CALN1: variants seen among roughly 807,000 people sequenced by gnomAD.
CALN1 encodes the protein calneuron 1.
Under a neutral mutation model 30.6 loss-of-function variants are expected in CALN1, and 17 were observed. The observed-to-expected ratio is 0.56, with a 90% CI of 0.38 to 0.83. The LOEUF (loss-of-function observed/expected upper bound fraction) is 0.83. Among genes scored for constraint, CALN1 ranks in the 40% least tolerant of loss-of-function variants. The pLI is 0.00. For missense variants in CALN1, 291 were observed against 354.9 expected (o/e 0.82, Z 1.45); for synonymous variants, 156 against 131.4 (o/e 1.19, Z -1.28).
chr7:72,373,080 A>C (rs1804341012), intron 2 of CALN1, among the ~76,000 whole-genome samples: 1 of 152,234 alleles, frequency 6.6e-6, no homozygotes, highest in Admixed American at 6.5e-5. Flanking sequence ...ACCATGTGGA[A>C]ATTTTAGAAC....
the CALN1 span, among the ~76,000 whole-genome samples, chr7:72,455,028 T>C: frequency 2.6e-5 from 4 of 152,056 alleles, no homozygotes; most frequent in African/African-American, 9.7e-5. Context: ...ACAGGGTTTC[T>C]CCGTGTTGGT....
intron 2 of CALN1, 76 bp downstream of exon 2, chr7:72,403,175 C>T (rs1179252970): frequency 5.1e-6 from 6 of 1,176,822 alleles, no homozygotes; most frequent in Admixed American, 2.2e-5. Flanking sequence ...GGCAAAGCCT[C>T]CTGGACCCCG....
At chr7:72,183,817 A>G (rs1789987484) in intron 3 of CALN1, among the ~76,000 whole-genome samples, 2 of 152,188 alleles carry the variant, frequency 1.3e-5, no homozygotes, top group South Asian at 4.1e-4. Context: ...CCAGTATGCC[A>G]GGATGCCGTC....
chr7:72,501,537 AAAGG>A, the CALN1 span, among the ~76,000 whole-genome samples: 47 of 142,268 alleles, frequency 3.3e-4, no homozygotes, highest in East Asian at 3.8e-3. Context: ...GAAGGAAAGG[AAAGG>A]AAGGAGGGAG....
chr7:72,092,932 G>A lies in CALN1; in HGVS notation c.388+13219C>T, dbSNP rs183239976. On this transcript the variant is annotated intron_variant, in intron 4 of 6. Transcript: ENST00000395275. ...AACTCTTGAGTGAGGATGTCACAGA[G>A]AAAAGACCCAACCAACTCGCGATGA... Among the ~76,000 whole-genome samples, 670 of 152,232 alleles carry A rather than the reference G, an allele frequency of 4.4e-3. 3 individuals carry two copies. The highest frequency in any genetic ancestry group is 0.016 in the African/African-American group (649 of 41,536).
At chr7:72,050,959 C>T (rs116075083) in intron 4 of CALN1, among the ~76,000 whole-genome samples, 1 of 151,444 alleles carries the variant, frequency 6.6e-6, no homozygotes, top group Non-Finnish European at 1.5e-5. Context: ...GCCACTACTG[C>T]ATTCCAGCCT....
intron 3 of CALN1, among the ~76,000 whole-genome samples, chr7:72,245,289 C>T (rs1795085664): frequency 6.6e-6 from 1 of 152,110 alleles, no homozygotes; most frequent in Non-Finnish European, 1.5e-5. Context: ...TCCTGCAACC[C>T]TACGTGCAGT....
chr7:72,245,213 C>T (rs1372661534), intron 3 of CALN1, among the ~76,000 whole-genome samples: 1 of 152,194 alleles, frequency 6.6e-6, no homozygotes, highest in East Asian at 1.9e-4. Flanking sequence ...GCAGCCCAGC[C>T]CCGCCCTGGT....
At chr7:72,168,610 G>A (rs934047378) in intron 3 of CALN1, among the ~76,000 whole-genome samples, 9 of 151,998 alleles carry the variant, frequency 5.9e-5, no homozygotes, top group Non-Finnish European at 7.4e-5. Context: ...TTTATAGACT[G>A]TAACTAAAAA....
At chr7:71,796,562 G>A (rs1352455101) in intron 6 of CALN1, among the ~76,000 whole-genome samples, 2 of 151,840 alleles carry the variant, frequency 1.3e-5, no homozygotes, top group African/African-American at 2.4e-5. Context: ...GTTCCACTAC[G>A]TTGGCCAGGC....
intron 5 of CALN1, among the ~76,000 whole-genome samples, chr7:72,013,592 T>C (rs1266048949): frequency 6.6e-6 from 1 of 152,108 alleles, no homozygotes; most frequent in Non-Finnish European, 1.5e-5. Context: ...AATAACAGAA[T>C]AGACCGTATA....
intron 6 of CALN1, among the ~76,000 whole-genome samples, chr7:71,795,722 T>C (rs2115964778): frequency 6.6e-6 from 1 of 152,022 alleles, no homozygotes; most frequent in East Asian, 1.9e-4. Flanking sequence ...ATAAATACGA[T>C]CATACAGTAG....
At chr7:71,941,408 G>T (rs1031585103) in intron 5 of CALN1, among the ~76,000 whole-genome samples, 2 of 151,724 alleles carry the variant, frequency 1.3e-5, no homozygotes, top group African/African-American at 4.8e-5. Context: ...GTTAACTGAC[G>T]GGGGGAAGAC....
chr7:71,939,235 G>A (rs367570893), intron 5 of CALN1, among the ~76,000 whole-genome samples: 6 of 152,076 alleles, frequency 3.9e-5, no homozygotes, highest in East Asian at 1.9e-4. Context: ...CCAAAGTACA[G>A]CAGTGACCAC....
intron 3 of CALN1, among the ~76,000 whole-genome samples, chr7:72,237,654 G>A (rs1794557063): frequency 6.6e-6 from 1 of 152,160 alleles, no homozygotes; most frequent in Non-Finnish European, 1.5e-5. Flanking sequence ...GGGAGGGCTG[G>A]TTTCACTCAA....
intron 4 of CALN1, among the ~76,000 whole-genome samples, chr7:72,031,169 A>G (rs557292997): frequency 4.6e-5 from 7 of 152,242 alleles, no homozygotes; most frequent in African/African-American, 1.7e-4. Context: ...AAGGTCACTC[A>G]CTGACATGGT....
At chr7:72,175,596 G>C (rs1789289999) in intron 3 of CALN1, among the ~76,000 whole-genome samples, 2 of 152,126 alleles carry the variant, frequency 1.3e-5, no homozygotes, top group Admixed American at 1.3e-4. Context: ...TTCCTAACCA[G>C]GAAGAATAAT....
intron 3 of CALN1, among the ~76,000 whole-genome samples, chr7:72,232,599 T>C (rs1170464437): frequency 7.1e-6 from 1 of 141,270 alleles, no homozygotes; most frequent in Non-Finnish European, 1.5e-5. Flanking sequence ...CAGCTGGGAT[T>C]ACAAGCACCT....
intron 2 of CALN1, among the ~76,000 whole-genome samples, chr7:72,344,484 A>T (rs1802523493): frequency 6.6e-6 from 1 of 150,912 alleles, no homozygotes; most frequent in African/African-American, 2.4e-5. Context: ...CCGTGTACAC[A>T]TATGTGCACA....
Sources: gnomAD v4.1 joint callset for allele counts (sites outside exome capture counted in the v4.1 genomes callset) on GRCh38, gnomAD v4.1.1 for gene constraint, MANE v1.5 for transcripts, NCBI Gene and HGNC (gene_info 2026-07-23, HGNC 2026-07-21) for gene names.